Variants in DCT observed in about 807,000 individuals in gnomAD.
DCT encodes the protein L-dopachrome tautomerase.
In DCT, 47 loss-of-function variants were observed where a neutral mutation model predicts 53.0. That is an observed-to-expected ratio of 0.89 (90% CI 0.70 to 1.13). The LOEUF is 1.13. DCT is among the 50% of genes most tolerant of loss of function. The pLI is 0.00. For synonymous variants in DCT, 244 were observed against 237.0 expected, an observed-to-expected ratio of 1.03 and a Z score of -0.27; for missense variants, 669 against 637.4, an observed-to-expected ratio of 1.05 and a Z score of -0.53.
At chr13:94,488,845 CA>C in the DCT span, among the ~76,000 whole-genome samples, 8 of 140,134 alleles carry the variant, frequency 5.7e-5, no homozygotes, top group Non-Finnish European at 1.3e-4. Flanking sequence ...CATATACACA[CA>C]CATATGTACA....
intron 7 of DCT, 114 bp downstream of exon 7, chr13:94,443,322 T>C: frequency 2.5e-6 from 2 of 815,784 alleles, no homozygotes; most frequent in South Asian, 3.4e-5. Flanking sequence ...TAAACTTAAC[T>C]AGACCTGAAA....
the DCT span, among the ~76,000 whole-genome samples, chr13:94,504,398 G>A: frequency 2.6e-5 from 4 of 152,096 alleles, no homozygotes; most frequent in African/African-American, 4.8e-5. Flanking sequence ...ATGGAGTTTC[G>A]CTCTTGTTGC....
chr13:94,440,932 C>T (rs1370736987), intron 7 of DCT, among the ~76,000 whole-genome samples: 1 of 152,196 alleles, frequency 6.6e-6, no homozygotes, highest in Admixed American at 6.5e-5. Flanking sequence ...CCACCTGCCT[C>T]GGCCTCCCAA....
At chr13:94,478,315 C>T (rs565632919) in intron 1 of DCT, among the ~76,000 whole-genome samples, 1 of 151,980 alleles carries the variant, frequency 6.6e-6, no homozygotes, top group South Asian at 2.1e-4. Context: ...AACCCCGTCT[C>T]GAAATACAAA....
At chr13:94,527,513 A>C in the DCT span, among the ~76,000 whole-genome samples, 1 of 152,226 alleles carries the variant, frequency 6.6e-6, no homozygotes, top group Non-Finnish European at 1.5e-5. Context: ...GTGGACTTCC[A>C]GCAAACTCCA....
the DCT span, among the ~76,000 whole-genome samples, chr13:94,504,284 T>C: frequency 6.6e-6 from 1 of 152,256 alleles, no homozygotes; most frequent in Admixed American, 6.5e-5. Flanking sequence ...TCTTGTTACC[T>C]GTTAGCCTTG....
At chr13:94,449,436 T>G (rs1180055398) in intron 6 of DCT, among the ~76,000 whole-genome samples, 3 of 152,196 alleles carry the variant, frequency 2.0e-5, no homozygotes, top group Non-Finnish European at 4.4e-5. Flanking sequence ...ACCAGCACAG[T>G]GTAGCTTTCA....
intron 5 of DCT, among the ~76,000 whole-genome samples, chr13:94,460,923 CTG>C (rs1883742869): frequency 6.6e-6 from 1 of 152,122 alleles, no homozygotes; most frequent in Non-Finnish European, 1.5e-5. Context: ...TCTCTCTTAA[CTG>C]TGTTTAAAGT....
the DCT span, among the ~76,000 whole-genome samples, chr13:94,518,110 GA>G: frequency 2.7e-5 from 2 of 74,026 alleles, no homozygotes; most frequent in African/African-American, 1.2e-4. Context: ...GAAACGAAGG[GA>G]AGGAAGGAAG....
At chr13:94,466,728 CTGTA>C in intron 2 of DCT, 70 bp from the exon 3 acceptor site, 1 of 1,033,284 alleles carries the variant, frequency 9.7e-7, no homozygotes, top group Non-Finnish European at 1.4e-6. Context: ...CTTACCTGGG[CTGTA>C]TCTATAGAGC....
the DCT span, among the ~76,000 whole-genome samples, chr13:94,517,110 A>G: frequency 1.3e-5 from 2 of 152,222 alleles, no homozygotes; most frequent in Non-Finnish European, 2.9e-5. Context: ...TAAGAGGGTA[A>G]GCGAAGTAAG....
the DCT span, among the ~76,000 whole-genome samples, chr13:94,529,632 T>C: frequency 4.6e-5 from 7 of 152,164 alleles, no homozygotes; most frequent in Non-Finnish European, 7.3e-5. Flanking sequence ...CTGGGACACA[T>C]TTAAAGCAGT....
At chr13:94,454,855 T>G (rs1017048528) in intron 6 of DCT, among the ~76,000 whole-genome samples, 1 of 152,244 alleles carries the variant, frequency 6.6e-6, no homozygotes, top group Non-Finnish European at 1.5e-5. Flanking sequence ...GTTCTGGAAC[T>G]AGGCCCAAAA....
the DCT span, among the ~76,000 whole-genome samples, chr13:94,511,451 C>T: frequency 6.6e-6 from 1 of 151,742 alleles, no homozygotes; most frequent in Non-Finnish European, 1.5e-5. Flanking sequence ...CCTCCACCTC[C>T]TGGGTCCAAG....
intron 2 of DCT, 23 bp downstream of exon 2, chr13:94,468,723 C>G: frequency 6.2e-7 from 1 of 1,603,920 alleles, no homozygotes; most frequent in Admixed American, 1.7e-5. Context: ...AATAATATAC[C>G]TTCAGCCAAG....
chr13:94,489,029 G>T, the DCT span, among the ~76,000 whole-genome samples: 33 of 152,242 alleles, frequency 2.2e-4, no homozygotes, highest in South Asian at 4.2e-4. Flanking sequence ...GCCCATCTGT[G>T]TGTGTCAATG....
At chr13:94,490,196 C>T in the DCT span, among the ~76,000 whole-genome samples, 1 of 152,066 alleles carries the variant, frequency 6.6e-6, no homozygotes, top group Non-Finnish European at 1.5e-5. Flanking sequence ...ATTACTTTAT[C>T]ATTGCTGTCA....
At chr13:94,539,230 C>G in the DCT span, among the ~76,000 whole-genome samples, 1 of 152,064 alleles carries the variant, frequency 6.6e-6, no homozygotes, top group Non-Finnish European at 1.5e-5. Context: ...GATCACATGC[C>G]CAGAGCATAG....
intron 6 of DCT, among the ~76,000 whole-genome samples, chr13:94,459,105 C>G (rs1883607486): frequency 6.6e-6 from 1 of 152,092 alleles, no homozygotes; most frequent in Non-Finnish European, 1.5e-5. Flanking sequence ...TCTTGAACTC[C>G]TAGGCACAAG....
Sources: allele counts gnomAD v4.1 joint callset (sites outside exome capture counted in the v4.1 genomes callset), GRCh38; gene constraint gnomAD v4.1.1; transcripts MANE v1.5; gene names NCBI Gene and HGNC (gene_info 2026-07-23, HGNC 2026-07-21).